The following USP26 variants were observed in gnomAD, a reference collection of about 807,000 sequenced individuals.
The protein encoded by USP26 is ubiquitin specific peptidase 26.
For synonymous variants in USP26, 236 were observed against 240.6 expected, an observed-to-expected ratio of 0.98 and a Z score of 0.18; for missense variants, 649 against 642.3, an observed-to-expected ratio of 1.01 and a Z score of -0.11.
intron 5 of USP26, among the ~76,000 whole-genome samples, chrX:133,042,759 G>A (rs768747160): frequency 3.6e-5 from 4 of 112,135 alleles, no homozygotes; most frequent in Admixed American, 9.5e-5. Context: ...TGAGGACACA[G>A]TATTAATTGT....
chrX:133,053,739 G>T (rs1320866661), intron 5 of USP26, among the ~76,000 whole-genome samples: 1 of 111,173 alleles, frequency 9.0e-6, no homozygotes, highest in Non-Finnish European at 1.9e-5. Context: ...CTCTTAGGTT[G>T]GTAAATGTAG....
At chrX:133,088,201 C>G (rs970689590) in intron 4 of USP26, among the ~76,000 whole-genome samples, 2 of 110,684 alleles carry the variant, frequency 1.8e-5, no homozygotes, top group Non-Finnish European at 3.8e-5. Flanking sequence ...TAGCCATTGA[C>G]AGAGTAGACC....
intron 5 of USP26, among the ~76,000 whole-genome samples, chrX:133,056,412 A>C (rs2148531499): frequency 9.0e-6 from 1 of 111,008 alleles, no homozygotes; most frequent in South Asian, 3.9e-4. Context: ...TGTGACCCAT[A>C]TGATTTTATT....
chrX:133,065,730 A>T (rs1473839106), intron 5 of USP26, among the ~76,000 whole-genome samples: 1 of 111,995 alleles, frequency 8.9e-6, no homozygotes. Context: ...ATATCTCAAA[A>T]TAATAAGAGC....
At chrX:133,053,728 T>C (rs149243339) in intron 5 of USP26, among the ~76,000 whole-genome samples, 2 of 111,235 alleles carry the variant, frequency 1.8e-5, no homozygotes, top group African/African-American at 6.5e-5. Context: ...AGCAGGGAGA[T>C]CTCTTAGGTT....
At chrX:133,033,260 G>A (rs1214028165) in intron 5 of USP26, among the ~76,000 whole-genome samples, 3 of 111,657 alleles carry the variant, frequency 2.7e-5, no homozygotes, top group African/African-American at 9.8e-5. Context: ...ATTGGATCAG[G>A]GCAGACTTTC....
chrX:133,054,997 C>T (rs2067470836), intron 5 of USP26, among the ~76,000 whole-genome samples: 1 of 112,297 alleles, frequency 8.9e-6, no homozygotes, highest in Non-Finnish European at 1.9e-5. Flanking sequence ...GTTACAATGA[C>T]TGACCTGAAG....
At chrX:133,030,426 C>G (rs1198976634) in intron 5 of USP26, among the ~76,000 whole-genome samples, 1 of 112,198 alleles carries the variant, frequency 8.9e-6, no homozygotes, top group African/African-American at 3.2e-5. Context: ...GAGACAGTTG[C>G]TGAGCATCTA....
In USP26 at chrX:133,024,842, G is replaced by A. The variant is rs1234335506; in HGVS notation, c.*637C>T. 6 of 111,785 alleles carry A rather than the reference G, an allele frequency of 5.4e-5. No homozygotes were observed. The highest frequency in any genetic ancestry group is 2.0e-4 in the African/African-American group (6 of 30,430). 9.2% of individuals were successfully genotyped at this position (111,785 alleles called of 1,213,427 possible). On this transcript the variant is annotated 3_prime_UTR_variant, in exon 6 of 6. Transcript: ENST00000511190. ...TCCCTTACCCCAAGTTTCTGAATCA[G>A]TAGGTCTACAGTGGAACCCAAGATT... is the stretch of plus-strand genomic sequence containing the variant.
intron 5 of USP26, among the ~76,000 whole-genome samples, chrX:133,033,172 A>G (rs1485852005): frequency 1.8e-5 from 2 of 111,461 alleles, no homozygotes; most frequent in Non-Finnish European, 3.8e-5. Flanking sequence ...CAAGAGACAC[A>G]CTGCCTCTAG....
At chrX:133,077,216 T>A (rs2067552612) in intron 5 of USP26, among the ~76,000 whole-genome samples, 1 of 112,165 alleles carries the variant, frequency 8.9e-6, no homozygotes, top group African/African-American at 3.2e-5. Flanking sequence ...CACCTGACTA[T>A]TAAGTTAAGA....
rs7059449 is a variant in USP26, at chrX:133,062,148, T to A, written c.-77+21559A>T. ...TTCAGTGGTAAGGACTGGGTGGAAC[T>A]CAACACAGCATGGTAAAGTGGCTGT... is the stretch of plus-strand genomic sequence containing the variant. On this transcript the variant is annotated intron_variant, in intron 5 of 5. Transcript: ENST00000511190. 2.7e-3 allele frequency among the ~76,000 whole-genome samples: 304 copies of A among 111,402 alleles called. 2 individuals are homozygous for A. The highest frequency in any genetic ancestry group is 9.3e-3 in the African/African-American group (285 of 30,650).
At chrX:133,062,998 T>C (rs776830218) in intron 5 of USP26, among the ~76,000 whole-genome samples, 1 of 110,998 alleles carries the variant, frequency 9.0e-6, no homozygotes, top group Non-Finnish European at 1.9e-5. Flanking sequence ...TTACAGGAAC[T>C]GCTAGCTAGA....
Position 133,058,508 on chromosome X carries a change from A to T in USP26, c.-77+25199T>A, listed in dbSNP as rs372403534. On this transcript the variant is annotated intron_variant, in intron 5 of 5. Coordinates refer to ENST00000511190, the MANE Select transcript of USP26 (RefSeq NM_031907.3). The stretch of plus-strand genomic sequence containing the variant: ...ATTGTTATGTCTTACTGGTGAATTG[A>T]CCCCTTTTATCATTATGCAATGCCT... Among the ~76,000 whole-genome samples the T allele has an allele frequency of 2.3e-4, 26 of 111,821 alleles. 3 individuals carry two copies. The East Asian group carries it at 4.8e-3, about 21-fold the overall frequency.
In USP26 at chrX:133,060,563, G is replaced by A. The variant is rs564593587; in HGVS notation, c.-77+23144C>T. ...CAGTCCAGGAGGCACTGCTGTGAAAGATAATTTACTATTCTAAAATATCTA... is the reference window on the plus strand; with the variant it reads ...CAGTCCAGGAGGCACTGCTGTGAAAAATAATTTACTATTCTAAAATATCTA... On this transcript the variant is annotated intron_variant, in intron 5 of 5. Coordinates refer to ENST00000511190, the MANE Select transcript of USP26 (RefSeq NM_031907.3). Among the ~76,000 whole-genome samples the A allele has an allele frequency of 8.4e-4, 93 of 110,897 alleles. No individual in the cohort carries two copies. In the South Asian group the frequency reaches 0.034, roughly 40 times the overall value.
At position 133,025,109 on chromosome X, in the gene USP26, C is replaced by T. The variant is rs1048777489; in HGVS notation, c.*370G>A. ...CTCAAGCAAGAAGATAAGTCCCTCT[C>T]TTTTCAGGAGGCTGAGAGAGAATCG... On this transcript the variant is annotated 3_prime_UTR_variant, in exon 6 of 6. Coordinates refer to ENST00000511190, the MANE Select transcript of USP26 (RefSeq NM_031907.3). 2 of 195,750 alleles carry T rather than the reference C, an allele frequency of 1.0e-5. No homozygotes were observed. The highest frequency in any genetic ancestry group is 1.4e-4 in the Admixed American group (2 of 14,555). The allele number at this position is 195,750 out of a possible 1,213,427, so 16.1% of individuals were successfully genotyped here.
At chrX:133,069,938 A>G (rs1267574174) in intron 5 of USP26, among the ~76,000 whole-genome samples, 1 of 111,791 alleles carries the variant, frequency 8.9e-6, no homozygotes, top group Non-Finnish European at 1.9e-5. Flanking sequence ...CCTTGTAAGC[A>G]TGGAGTCTTG....
At chrX:133,074,374 T>C (rs1262124013) in intron 5 of USP26, among the ~76,000 whole-genome samples, 2 of 112,321 alleles carry the variant, frequency 1.8e-5, no homozygotes, top group African/African-American at 6.5e-5. Flanking sequence ...ATGTACCCTG[T>C]GCTTTTTTCA....
At chrX:133,052,317 T>C (rs1374362993) in intron 5 of USP26, among the ~76,000 whole-genome samples, 1 of 111,904 alleles carries the variant, frequency 8.9e-6, no homozygotes, top group Admixed American at 9.5e-5. Flanking sequence ...GCAGCACCAC[T>C]TGGGTGGAAA....
Sources: gnomAD v4.1 joint callset for allele counts (sites outside exome capture counted in the v4.1 genomes callset) on GRCh38, gnomAD v4.1.1 for gene constraint, MANE v1.5 for transcripts, NCBI Gene and HGNC (gene_info 2026-07-23, HGNC 2026-07-21) for gene names.